The following SLC45A4 variants were observed in gnomAD, a reference collection of about 807,000 sequenced individuals.
SLC45A4 encodes polyamine-transporter SLC45A4.
SLC45A4 carries 32 observed loss-of-function variants against 63.7 expected under a neutral mutation model. The observed-to-expected ratio is 0.50, with a 90% confidence interval of 0.38 to 0.67. SLC45A4 has a LOEUF of 0.67. Ranked by LOEUF, SLC45A4 falls within the 30% of genes least tolerant of loss-of-function variation. SLC45A4 has a pLI of 0.00. For missense variants in SLC45A4, 1,027 were observed against 1,157.7 expected (o/e 0.89, Z 1.64); for synonymous variants, 535 against 510.0 (o/e 1.05, Z -0.66).
intron 1 of SLC45A4, among the ~76,000 whole-genome samples, chr8:141,290,959 C>T (rs545261265): frequency 6.6e-6 from 1 of 152,268 alleles, no homozygotes; most frequent in South Asian, 2.1e-4. Context: ...AGCGATTCTC[C>T]TGCCTCAGCC....
intron 1 of SLC45A4, among the ~76,000 whole-genome samples, chr8:141,301,595 A>C (rs1295114528): frequency 6.6e-6 from 1 of 151,844 alleles, no homozygotes; most frequent in Non-Finnish European, 1.5e-5. Context: ...AAAAATACAA[A>C]GAAAAATTAG....
chr8:141,276,324 G>A (rs1829726433), intron 1 of SLC45A4, among the ~76,000 whole-genome samples: 1 of 152,210 alleles, frequency 6.6e-6, no homozygotes, highest in Non-Finnish European at 1.5e-5. Flanking sequence ...GTTTTAAGAT[G>A]ACTTACTGAA....
In SLC45A4 at chr8:141,221,668, G is replaced by A; in HGVS notation, c.339C>T (p.Thr113=). Residue 113 remains threonine, a synonymous_variant, in exon 3 of 9, where the codon ACC becomes ACT. Transcript: ENST00000517878. Reference sequence around the variant, plus strand: ...AGGGCCGCCGGCGGCCCCAGCTCAGGGTGCACCGGTCACTCGCAGACCCAA... The same window carrying A: ...AGGGCCGCCGGCGGCCCCAGCTCAGAGTGCACCGGTCACTCGCAGACCCAA... The part of the protein sequence containing the change: ...PLIGSASDRC[T]LSWGRRRPFI... 6.2e-7 allele frequency: 1 copy of A among 1,614,108 alleles called. No homozygotes were observed. The highest frequency in any genetic ancestry group is 8.5e-7 in the Non-Finnish European group (1 of 1,180,040).
At chr8:141,307,588 G>C (rs1830938050) in intron 1 of SLC45A4, among the ~76,000 whole-genome samples, 1 of 152,128 alleles carries the variant, frequency 6.6e-6, no homozygotes, top group Non-Finnish European at 1.5e-5. Flanking sequence ...GGTCCAGACA[G>C]AGGGGAGAGG....
At chr8:141,217,258 C>T (rs1399564510) in intron 5 of SLC45A4, 69 bp from the exon 6 acceptor site, 4 of 1,501,186 alleles carry the variant, frequency 2.7e-6, no homozygotes, top group Non-Finnish European at 3.7e-6. Context: ...AGCGTATTTC[C>T]CATGGGAACT....
intron 1 of SLC45A4, among the ~76,000 whole-genome samples, chr8:141,292,250 C>T (rs567558580): frequency 2.0e-5 from 3 of 152,244 alleles, no homozygotes; most frequent in South Asian, 4.1e-4. Context: ...CCAGGGCACG[C>T]GGCATTCTGG....
chr8:141,256,996 G>A lies in SLC45A4; in HGVS notation c.-400-2367C>T, dbSNP rs1828826657. Among the ~76,000 whole-genome samples, 1 of 152,100 alleles carries A rather than the reference G, an allele frequency of 6.6e-6. No individual in the cohort carries two copies. The highest frequency in any genetic ancestry group is 1.5e-5 in the Non-Finnish European group (1 of 68,040). On this transcript the variant is annotated intron_variant, in intron 1 of 8. Transcript: ENST00000517878. The surrounding 1 kb of genome is among the most constrained non-coding windows in gnomAD (Gnocchi z 4.3). ...AGCCTCCTGAGTAGCTGGGATTACAGGCACATGCCACCACGCCCAGCTAAC... is the reference window on the plus strand; with the variant it reads ...AGCCTCCTGAGTAGCTGGGATTACAAGCACATGCCACCACGCCCAGCTAAC...
rs1381043895 is a variant in SLC45A4, at chr8:141,227,143, G to A, written c.242-5378C>T. Among the ~76,000 whole-genome samples, 1 of 152,182 alleles carries A rather than the reference G, an allele frequency of 6.6e-6. No individual in the cohort carries two copies. The highest frequency in any genetic ancestry group is 2.1e-4 in the South Asian group (1 of 4,830). On this transcript the variant is annotated intron_variant, in intron 2 of 8. Transcript: ENST00000517878. The surrounding 1 kb of genome is among the most constrained non-coding windows in gnomAD (Gnocchi z 4.4). Reference sequence around the variant, plus strand: ...AGTAAATAAGTTTTGTTTTTTCCCAGGGAAAAGTTGAACAACAATGGTGAG... The same window carrying A: ...AGTAAATAAGTTTTGTTTTTTCCCAAGGAAAAGTTGAACAACAATGGTGAG...
chr8:141,287,373 G>A (rs1444897665), intron 1 of SLC45A4, among the ~76,000 whole-genome samples: 2 of 152,220 alleles, frequency 1.3e-5, no homozygotes, highest in Non-Finnish European at 2.9e-5. Flanking sequence ...AGGTCACCTG[G>A]ATACTACAGG....
At position 141,265,185 on chromosome 8, in the gene SLC45A4, T is replaced by C. The variant is rs371321262; in HGVS notation, c.-400-10556A>G. 2.0e-5 allele frequency among the ~76,000 whole-genome samples: 3 copies of C among 152,318 alleles called. No individual in the cohort carries two copies. In the East Asian group the frequency reaches 5.8e-4, roughly 29 times the overall value. ...TGGTCCATTTCCCGAGAGACAACAG[T>C]GGACACCTCGAGGCCCTCTGGTCCT... On this transcript the variant is annotated intron_variant, in intron 1 of 8. Coordinates refer to ENST00000517878, the MANE Select transcript of SLC45A4 (RefSeq NM_001286646.2).
intron 2 of SLC45A4, among the ~76,000 whole-genome samples, chr8:141,231,775 G>A (rs1478274882): frequency 2.0e-5 from 3 of 152,218 alleles, no homozygotes; most frequent in South Asian, 2.1e-4. Flanking sequence ...ACACGGCACC[G>A]AGCCATGGAT....
intron 1 of SLC45A4, among the ~76,000 whole-genome samples, chr8:141,305,314 C>G (rs1830864565): frequency 6.6e-6 from 1 of 152,180 alleles, no homozygotes; most frequent in Admixed American, 6.5e-5. Flanking sequence ...TTTTGGGGTC[C>G]TCTCACCCCT....
chr8:141,299,550 C>T (rs1830676205), intron 1 of SLC45A4, among the ~76,000 whole-genome samples: 1 of 152,236 alleles, frequency 6.6e-6, no homozygotes, highest in South Asian at 2.1e-4. Context: ...GTGGCCGCAG[C>T]CCCGGGATCC....
chr8:141,271,182 G>A (rs1397736263), intron 1 of SLC45A4, among the ~76,000 whole-genome samples: 3 of 152,218 alleles, frequency 2.0e-5, no homozygotes, highest in African/African-American at 4.8e-5. Context: ...TGGAAACTGA[G>A]CTTACTGGAA....
At chr8:141,284,513 C>T (rs1450121831) in intron 1 of SLC45A4, among the ~76,000 whole-genome samples, 1 of 152,262 alleles carries the variant, frequency 6.6e-6, no homozygotes, top group African/African-American at 2.4e-5. Flanking sequence ...AAAACAGAGA[C>T]TCTGAGATAC....
At position 141,231,896 on chromosome 8, in the gene SLC45A4, A is replaced by AC. The variant is rs372486049; in HGVS notation, c.242-10132dup. Among the ~76,000 whole-genome samples, 575 of 152,228 alleles carry AC rather than the reference A, an allele frequency of 3.8e-3. 7 individuals carry two copies. The highest frequency in any genetic ancestry group is 0.013 in the African/African-American group (557 of 41,526). ...AGGGCAAATGGCCCGAGATCAGGAG[A>AC]CCCCACTTCAGTTCTTTACCAAGGT... On this transcript the variant is annotated intron_variant, in intron 2 of 8. Transcript: ENST00000517878.
chr8:141,239,835 G>A (rs1257866724), intron 2 of SLC45A4, among the ~76,000 whole-genome samples: 5 of 152,202 alleles, frequency 3.3e-5, no homozygotes, highest in African/African-American at 1.2e-4. Flanking sequence ...CGGGGCTGAG[G>A]CCTGGTCATC....
At chr8:141,288,640 G>T (rs767350982) in intron 1 of SLC45A4, among the ~76,000 whole-genome samples, 39 of 152,264 alleles carry the variant, frequency 2.6e-4, no homozygotes, top group Non-Finnish European at 4.0e-4. Context: ...GTCCTGTCCT[G>T]CAGGACTGAG....
chr8:141,269,749 A>G (rs1371573166), intron 1 of SLC45A4, among the ~76,000 whole-genome samples: 1 of 151,664 alleles, frequency 6.6e-6, no homozygotes, highest in African/African-American at 2.4e-5. Context: ...ATGTGTCTGT[A>G]TGTCTGTGTC....
Sources: gnomAD v4.1 joint callset for allele counts (sites outside exome capture counted in the v4.1 genomes callset) on GRCh38, gnomAD v4.1.1 for gene constraint, Gnocchi (gnomAD v3.1) non-coding constraint, MANE v1.5 for transcripts, NCBI Gene and HGNC (gene_info 2026-07-23, HGNC 2026-07-21) for gene names.